SLC4A10: variants seen among roughly 807,000 people sequenced by gnomAD.
SLC4A10 encodes the protein sodium-driven chloride bicarbonate exchanger.
Under a neutral mutation model 137.7 loss-of-function variants are expected in SLC4A10, and 42 were observed. That is an observed-to-expected ratio of 0.30 (90% CI 0.24 to 0.39). The LOEUF (loss-of-function observed/expected upper bound fraction) is 0.39, where lower values mean the gene tolerates loss of function less well. Ranked by LOEUF, SLC4A10 falls within the 10% of genes least tolerant of loss-of-function variation. The pLI, the probability that SLC4A10 is intolerant of heterozygous loss-of-function variation, is 1.00. For missense variants in SLC4A10, 925 were observed against 1,355.0 expected, an observed-to-expected ratio of 0.68 and a Z score of 4.98; for synonymous variants, 474 against 464.1, an observed-to-expected ratio of 1.02 and a Z score of -0.27.
At chr2:161,864,129 G>A (rs552901976) in intron 6 of SLC4A10, among the ~76,000 whole-genome samples, 1 of 152,158 alleles carries the variant, frequency 6.6e-6, no homozygotes, top group African/African-American at 2.4e-5. Context: ...GTGAACCTGG[G>A]TGGCGGAGAT....
chr2:161,827,906 A>T (rs1304333647), intron 3 of SLC4A10, among the ~76,000 whole-genome samples: 3 of 152,152 alleles, frequency 2.0e-5, no homozygotes, highest in Non-Finnish European at 4.4e-5. Context: ...GTATTTTTAC[A>T]TCTATAATTT....
chr2:161,625,320 A>G (rs2032091958), intron 1 of SLC4A10, among the ~76,000 whole-genome samples: 1 of 151,894 alleles, frequency 6.6e-6, no homozygotes, highest in South Asian at 2.1e-4. Flanking sequence ...TATCCTCTCC[A>G]CAATCTCTCT....
At chr2:161,629,121 G>C (rs1363812730) in intron 1 of SLC4A10, among the ~76,000 whole-genome samples, 1 of 152,050 alleles carries the variant, frequency 6.6e-6, no homozygotes, top group Non-Finnish European at 1.5e-5. Flanking sequence ...TTCTGTGAGA[G>C]AGACTTCAAC....
At chr2:161,735,082 T>C (rs1448841302) in intron 1 of SLC4A10, among the ~76,000 whole-genome samples, 5 of 151,490 alleles carry the variant, frequency 3.3e-5, no homozygotes, top group African/African-American at 1.2e-4. Flanking sequence ...ATTAAACCTC[T>C]TTTCTTTTTA....
chr2:161,916,447 T>G (rs1687135314), intron 15 of SLC4A10, among the ~76,000 whole-genome samples: 3 of 152,220 alleles, frequency 2.0e-5, no homozygotes, highest in Non-Finnish European at 4.4e-5. Flanking sequence ...AGCTGGTGTC[T>G]TTAATTTTAT....
intron 1 of SLC4A10, among the ~76,000 whole-genome samples, chr2:161,763,802 C>A (rs931833408): frequency 1.3e-5 from 2 of 152,112 alleles, no homozygotes; most frequent in Admixed American, 1.3e-4. Flanking sequence ...GAAAAGAGTG[C>A]TAAGCAGATT....
intron 5 of SLC4A10, among the ~76,000 whole-genome samples, chr2:161,855,927 GA>G (rs1414927060): frequency 6.6e-6 from 1 of 151,964 alleles, no homozygotes; most frequent in Non-Finnish European, 1.5e-5. Context: ...TTTGTGAAGT[GA>G]AAAAACTTAA....
chr2:161,660,345 A>T (rs969465340), intron 1 of SLC4A10, among the ~76,000 whole-genome samples: 4 of 152,220 alleles, frequency 2.6e-5, no homozygotes, highest in African/African-American at 9.6e-5. Context: ...TCAACATTTT[A>T]TCGTGTGGCA....
chr2:161,731,311 AG>A (rs1382038080), intron 1 of SLC4A10, among the ~76,000 whole-genome samples: 3 of 152,044 alleles, frequency 2.0e-5, no homozygotes, highest in Admixed American at 6.6e-5. Context: ...TGTTATATTT[AG>A]GGGGGAAAAC....
chr2:161,691,432 T>C (rs2041991014), intron 1 of SLC4A10, among the ~76,000 whole-genome samples: 1 of 151,888 alleles, frequency 6.6e-6, no homozygotes, highest in African/African-American at 2.4e-5. Context: ...ATAGTCAAAA[T>C]AATTTAAATC....
intron 1 of SLC4A10, among the ~76,000 whole-genome samples, chr2:161,696,498 T>G (rs1311566383): frequency 2.6e-4 from 32 of 121,322 alleles, no homozygotes; most frequent in African/African-American, 9.6e-4. Flanking sequence ...ATGTTCCCCT[T>G]CCTGTGTCCA....
intron 19 of SLC4A10, 62 bp downstream of exon 19, chr2:161,950,910 T>G: frequency 2.3e-6 from 3 of 1,324,214 alleles, no homozygotes; most frequent in Non-Finnish European, 3.1e-6. Flanking sequence ...CTGATGTTCA[T>G]TTGACTTCTA....
intron 2 of SLC4A10, among the ~76,000 whole-genome samples, chr2:161,780,655 T>G (rs1574933055): frequency 6.6e-6 from 1 of 152,060 alleles, no homozygotes; most frequent in African/African-American, 2.4e-5. Context: ...AAATCAATGA[T>G]TTTTTAAAAA....
At chr2:161,807,367 C>T (rs879445191) in intron 3 of SLC4A10, among the ~76,000 whole-genome samples, 1 of 152,144 alleles carries the variant, frequency 6.6e-6, no homozygotes, top group Non-Finnish European at 1.5e-5. Context: ...AGCCCATGTA[C>T]ATGACATAAC....
At chr2:161,748,046 C>A (rs999521558) in intron 1 of SLC4A10, among the ~76,000 whole-genome samples, 1 of 151,934 alleles carries the variant, frequency 6.6e-6, no homozygotes, top group African/African-American at 2.4e-5. Flanking sequence ...TATATCTGCT[C>A]GTCATTTTTA....
intron 1 of SLC4A10, among the ~76,000 whole-genome samples, chr2:161,650,836 G>A (rs968347336): frequency 6.6e-6 from 1 of 152,164 alleles, no homozygotes; most frequent in African/African-American, 2.4e-5. Flanking sequence ...CTAGGCATGG[G>A]CCTACAGGTG....
chr2:161,894,883 T>C (rs1575508596), intron 11 of SLC4A10, 58 bp downstream of exon 11: 1 of 1,047,818 alleles, frequency 9.5e-7, no homozygotes, highest in East Asian at 3.4e-5. Context: ...TTTAAATGCA[T>C]GTTTTATTTT....
At chr2:161,629,639 C>T (rs745723428) in intron 1 of SLC4A10, among the ~76,000 whole-genome samples, 3 of 151,798 alleles carry the variant, frequency 2.0e-5, no homozygotes, top group Non-Finnish European at 4.4e-5. Context: ...TAACATGTAT[C>T]CACCATTATA....
intron 15 of SLC4A10, among the ~76,000 whole-genome samples, chr2:161,914,343 C>G (rs1686580199): frequency 6.6e-6 from 1 of 152,010 alleles, no homozygotes; most frequent in Non-Finnish European, 1.5e-5. Context: ...TTATATAACC[C>G]CCACCCCACC....
Sources: allele counts gnomAD v4.1 joint callset (sites outside exome capture counted in the v4.1 genomes callset), GRCh38; gene constraint gnomAD v4.1.1; transcripts MANE v1.5; gene names NCBI Gene and HGNC (gene_info 2026-07-23, HGNC 2026-07-21).